Variants in GSE1 observed in about 807,000 individuals in gnomAD.
GSE1 encodes Gse1 coiled-coil protein.
In GSE1, 32 loss-of-function variants were observed where a neutral mutation model predicts 112.6. That is an observed-to-expected ratio of 0.28 (90% CI 0.21 to 0.38). The LOEUF is 0.38. Among genes scored for constraint, GSE1 ranks in the 10% least tolerant of loss-of-function variants. The pLI is 1.00. For missense variants in GSE1, 2,348 were observed against 1,699.2 expected (o/e 1.38, Z -6.71); for synonymous variants, 1,115 against 735.6 (o/e 1.52, Z -8.35).
At chr16:85,586,804 C>A (rs900016888) in intron 1 of GSE1, among the ~76,000 whole-genome samples, 5 of 152,194 alleles carry the variant, frequency 3.3e-5, no homozygotes, top group African/African-American at 1.2e-4. Flanking sequence ...CTCCGTGCCC[C>A]CAGGCCCCCT....
At position 85,663,499 on chromosome 16, in the gene GSE1, G is replaced by A. The variant is rs551084905; in HGVS notation, c.2529G>A (p.Leu843=). The change falls in exon 11 of 16, where the codon CTG becomes CTA. Residue 843 remains leucine, a synonymous_variant. Transcript: ENST00000253458. ...AGCGGCAGACGCCTTCACCGAGACT[G>A]GCGCTGTCTACCCGCTACAGCCCTG... ...QSKRQTPSPR[L]ALSTRYSPDE... 2.7e-5 allele frequency: 43 copies of A among 1,613,932 alleles called. No homozygotes were observed. In the South Asian group the frequency reaches 4.5e-4, roughly 17 times the overall value.
intron 1 of GSE1, among the ~76,000 whole-genome samples, chr16:85,289,104 C>T (rs1186960140): frequency 6.6e-6 from 1 of 152,218 alleles, no homozygotes; most frequent in South Asian, 2.1e-4. Flanking sequence ...ATTTTATCTT[C>T]AAATAATCTT....
chr16:85,536,929 G>T (rs903879267), intron 2 of GSE1, among the ~76,000 whole-genome samples: 1 of 152,230 alleles, frequency 6.6e-6, no homozygotes, highest in African/African-American at 2.4e-5. Context: ...CCTGTGCATG[G>T]GACACATGCC....
chr16:85,403,596 C>A (rs1371271892), intron 2 of GSE1, among the ~76,000 whole-genome samples: 1 of 151,720 alleles, frequency 6.6e-6, no homozygotes, highest in Non-Finnish European at 1.5e-5. Flanking sequence ...TTGACACCAG[C>A]CTGGGCAACA....
At chr16:85,273,456 TGGAATATTACTCAGCCATAAAAA>T (rs1274838121) in intron 1 of GSE1, among the ~76,000 whole-genome samples, 1 of 152,082 alleles carries the variant, frequency 6.6e-6, no homozygotes, top group Non-Finnish European at 1.5e-5. Flanking sequence ...CTCCATGCCG[TGGAATATTACTCAGCCATAAAAA>T]GGAGTGAAGT....
At chr16:85,571,445 T>G (rs1598225688) in intron 1 of GSE1, among the ~76,000 whole-genome samples, 2 of 152,246 alleles carry the variant, frequency 1.3e-5, no homozygotes, top group East Asian at 3.8e-4. Flanking sequence ...AGTCGGACAG[T>G]GCAGATAGAG....
At chr16:85,322,709 G>A (rs1212767045) in intron 1 of GSE1, among the ~76,000 whole-genome samples, 3 of 150,148 alleles carry the variant, frequency 2.0e-5, no homozygotes, top group African/African-American at 7.4e-5. Flanking sequence ...TCTACCTCCC[G>A]AGTTCAAGCG....
chr16:85,590,288 G>C (rs560339028), intron 1 of GSE1, among the ~76,000 whole-genome samples: 1 of 151,930 alleles, frequency 6.6e-6, no homozygotes, highest in East Asian at 1.9e-4. Flanking sequence ...GAACATGTGT[G>C]ACTGTGTGTG....
At chr16:85,587,595 C>T (rs2046768526) in intron 1 of GSE1, among the ~76,000 whole-genome samples, 1 of 152,098 alleles carries the variant, frequency 6.6e-6, no homozygotes, top group African/African-American at 2.4e-5. Flanking sequence ...GGCTTCTCAG[C>T]TCAGCCCAGG....
intron 1 of GSE1, among the ~76,000 whole-genome samples, chr16:85,623,169 A>T (rs1167770854): frequency 2.6e-5 from 4 of 152,004 alleles, no homozygotes; most frequent in Non-Finnish European, 5.9e-5. Flanking sequence ...ATTTCAGGTC[A>T]AATAAAAACA....
intron 2 of GSE1, among the ~76,000 whole-genome samples, chr16:85,639,497 G>A (rs963350614): frequency 8.7e-5 from 8 of 92,290 alleles, no homozygotes; most frequent in Non-Finnish European, 1.7e-4. Context: ...CCTCCTGGGC[G>A]CCAGGCCTAG....
chr16:85,185,205 A>T (rs2074674750), intron 1 of GSE1: 1 of 152,182 alleles, frequency 6.6e-6, no homozygotes, highest in African/African-American at 2.4e-5. Flanking sequence ...TGAATTATTC[A>T]CATCTGGACA....
chr16:85,346,291 T>G (rs1036250284), intron 1 of GSE1, among the ~76,000 whole-genome samples: 1 of 147,608 alleles, frequency 6.8e-6, no homozygotes, highest in African/African-American at 2.5e-5. Context: ...GACAGATGGA[T>G]GAATAGTGGA....
upstream of GSE1, among the ~76,000 whole-genome samples, chr16:85,608,827 C>T (rs1171699586): frequency 6.6e-6 from 1 of 152,194 alleles, no homozygotes; most frequent in Non-Finnish European, 1.5e-5. Flanking sequence ...ACATCCAGGT[C>T]CCTGATACTT....
intron 2 of GSE1, among the ~76,000 whole-genome samples, chr16:85,387,920 G>GTGGA (rs58007210): frequency 0.056 from 8,405 of 148,952 alleles, 652 homozygotes; most frequent in African/African-American, 0.18. Flanking sequence ...AGGTGGGTGA[G>GTGGA]TGGATGGATG....
At chr16:85,210,989 C>T (rs577591344) in intron 1 of GSE1, among the ~76,000 whole-genome samples, 1 of 152,328 alleles carries the variant, frequency 6.6e-6, no homozygotes, top group East Asian at 1.9e-4. Flanking sequence ...CTCCCAGACT[C>T]CTTTTCACAG....
At chr16:85,655,472 C>T (rs928559967) in intron 5 of GSE1, among the ~76,000 whole-genome samples, 8 of 152,214 alleles carry the variant, frequency 5.3e-5, no homozygotes, top group Non-Finnish European at 1.0e-4. Flanking sequence ...GGGCGCTTGA[C>T]CACTCTGTGC....
intron 2 of GSE1, among the ~76,000 whole-genome samples, chr16:85,488,742 A>G (rs1284198686): frequency 6.6e-6 from 1 of 152,140 alleles, no homozygotes; most frequent in African/African-American, 2.4e-5. Flanking sequence ...AGACTGGAGG[A>G]GGACCTTGAG....
chr16:85,502,357 C>T (rs186625008), intron 2 of GSE1, among the ~76,000 whole-genome samples: 22 of 152,302 alleles, frequency 1.4e-4, no homozygotes, highest in East Asian at 3.9e-4. Flanking sequence ...CTGTGTGTGC[C>T]GCCCTGAGCA....
Sources: gnomAD v4.1 joint callset for allele counts (sites outside exome capture counted in the v4.1 genomes callset) on GRCh38, gnomAD v4.1.1 for gene constraint, MANE v1.5 for transcripts, NCBI Gene and HGNC (gene_info 2026-07-23, HGNC 2026-07-21) for gene names.